The following NELL1 variants were observed in gnomAD, a reference collection of about 807,000 sequenced individuals.
The protein encoded by NELL1 is neural EGFL like 1.
NELL1 carries 76 observed loss-of-function variants against 107.4 expected under a neutral mutation model. The observed-to-expected ratio is 0.71, with a 90% confidence interval of 0.59 to 0.86. NELL1 has a LOEUF of 0.86. NELL1 is among the 40% of genes least tolerant of loss of function. The pLI is 0.00. For missense variants in NELL1, 1,024 were observed against 1,005.5 expected, an observed-to-expected ratio of 1.02 and a Z score of -0.25; for synonymous variants, 353 against 341.2, an observed-to-expected ratio of 1.03 and a Z score of -0.38.
intron 3 of NELL1, among the ~76,000 whole-genome samples, chr11:20,845,541 G>T (rs1848688304): frequency 1.3e-5 from 2 of 152,106 alleles, no homozygotes; most frequent in African/African-American, 2.4e-5. Flanking sequence ...CTCATGATGT[G>T]TGAATCCTGG....
chr11:20,760,892 G>C (rs1590269245), intron 2 of NELL1, among the ~76,000 whole-genome samples: 1 of 152,126 alleles, frequency 6.6e-6, no homozygotes, highest in Non-Finnish European at 1.5e-5. Context: ...GGCCCCTTTG[G>C]AAAATCGGGT....
At chr11:20,682,528 T>C (rs974617487) in intron 2 of NELL1, among the ~76,000 whole-genome samples, 2 of 152,048 alleles carry the variant, frequency 1.3e-5, no homozygotes, top group African/African-American at 4.8e-5. Context: ...AAACGTAGAT[T>C]CATCAAATTA....
chr11:20,938,005 T>A, intron 10 of NELL1, 146 bp downstream of exon 10: 1 of 703,650 alleles, frequency 1.4e-6, no homozygotes, highest in Non-Finnish European at 2.4e-6. Context: ...GATTACATGA[T>A]GGCGAGGATC....
Position 20,756,521 on chromosome 11 carries a change from T to A in NELL1, c.185-27159T>A, listed in dbSNP as rs1856292994. Among the ~76,000 whole-genome samples the A allele has an allele frequency of 3.5e-5, 5 of 143,620 alleles. No individual in the cohort carries two copies. The South Asian group carries it at 1.1e-3, about 32-fold the overall frequency. 94.2% of individuals were successfully genotyped at this position (143,620 alleles called of 152,430 possible). A position where few individuals can be genotyped will look rare whatever the true frequency, so the allele number is the denominator to read the frequency against. ...CGCCGGGCTAATTTTTTGTAATTTT[T>A]TTTTTTTTTTTTTTTTTTTTTAGTA... On this transcript the variant is annotated intron_variant, in intron 2 of 19. Transcript: ENST00000357134.
intron 15 of NELL1, among the ~76,000 whole-genome samples, chr11:21,470,519 A>G (rs989054383): frequency 4.6e-5 from 7 of 152,110 alleles, no homozygotes; most frequent in Admixed American, 6.6e-5. Flanking sequence ...TAGCTCCAAC[A>G]TTAATCACCT....
chr11:21,288,250 A>G (rs1849172728), intron 14 of NELL1, among the ~76,000 whole-genome samples: 1 of 152,110 alleles, frequency 6.6e-6, no homozygotes, highest in Non-Finnish European at 1.5e-5. Flanking sequence ...AGTCTATGAA[A>G]CTATCTTACA....
intron 13 of NELL1, among the ~76,000 whole-genome samples, chr11:21,215,182 A>C (rs1262725259): frequency 6.6e-6 from 1 of 152,016 alleles, no homozygotes; most frequent in Admixed American, 6.6e-5. Flanking sequence ...TTCTCATGAG[A>C]TCTGATGGTT....
At chr11:21,562,047 T>A (rs1008081255) in intron 17 of NELL1, among the ~76,000 whole-genome samples, 11 of 151,998 alleles carry the variant, frequency 7.2e-5, no homozygotes, top group African/African-American at 2.4e-5. Flanking sequence ...TATCCTCACA[T>A]CCTTTTTGGG....
chr11:20,785,884 A>ATT (rs11433394), intron 3 of NELL1, among the ~76,000 whole-genome samples: 5 of 150,656 alleles, frequency 3.3e-5, no homozygotes, highest in Non-Finnish European at 5.9e-5. Flanking sequence ...TCTCTTTTGG[A>ATT]TTTTTTTTTC....
intron 13 of NELL1, among the ~76,000 whole-genome samples, chr11:21,143,499 G>A (rs549220929): frequency 6.6e-6 from 1 of 152,294 alleles, no homozygotes; most frequent in African/African-American, 2.4e-5. Context: ...CCTTGGTGGA[G>A]TAGCCAAAGG....
intron 17 of NELL1, among the ~76,000 whole-genome samples, chr11:21,569,482 G>A (rs1857050297): frequency 6.6e-6 from 1 of 151,228 alleles, no homozygotes; most frequent in African/African-American, 2.4e-5. Flanking sequence ...TGATGATGAT[G>A]ATGATGATGA....
intron 12 of NELL1, among the ~76,000 whole-genome samples, chr11:21,105,223 T>A (rs1785807998): frequency 6.6e-6 from 1 of 152,082 alleles, no homozygotes; most frequent in Admixed American, 6.6e-5. Flanking sequence ...AGTGGAGGTT[T>A]AATAGGCAAA....
chr11:21,012,833 C>G (rs1366860814), intron 12 of NELL1, among the ~76,000 whole-genome samples: 1 of 152,036 alleles, frequency 6.6e-6, no homozygotes, highest in Admixed American at 6.6e-5. Flanking sequence ...TCTGATCCAT[C>G]AGAATGCAGG....
intron 15 of NELL1, among the ~76,000 whole-genome samples, chr11:21,427,975 T>C (rs559959947): frequency 3.9e-5 from 6 of 152,230 alleles, no homozygotes; most frequent in Non-Finnish European, 8.8e-5. Context: ...GTTTCACTGA[T>C]GAGTCTAACT....
chr11:20,940,896 T>C (rs1020678867), intron 10 of NELL1, among the ~76,000 whole-genome samples: 3 of 152,122 alleles, frequency 2.0e-5, no homozygotes. Context: ...CCAGCACTTT[T>C]GAGAGGCTGA....
intron 3 of NELL1, among the ~76,000 whole-genome samples, chr11:20,828,223 A>T (rs1378019792): frequency 1.3e-5 from 2 of 151,460 alleles, no homozygotes; most frequent in Non-Finnish European, 3.0e-5. Flanking sequence ...TGTCTGGCAC[A>T]TAGGCACTCA....
chr11:21,145,071 G>A (rs1244795311), intron 13 of NELL1, among the ~76,000 whole-genome samples: 5 of 152,056 alleles, frequency 3.3e-5, no homozygotes, highest in Non-Finnish European at 2.9e-5. Flanking sequence ...CATGTAAAGC[G>A]CTTGGAAAAA....
At chr11:21,445,302 G>C (rs969522844) in intron 15 of NELL1, among the ~76,000 whole-genome samples, 3 of 151,024 alleles carry the variant, frequency 2.0e-5, no homozygotes, top group Non-Finnish European at 4.4e-5. Flanking sequence ...TTTGTTTTTT[G>C]TTTTTGTTCT....
chr11:21,296,804 A>T (rs1849385075), intron 14 of NELL1, among the ~76,000 whole-genome samples: 1 of 151,842 alleles, frequency 6.6e-6, no homozygotes, highest in African/African-American at 2.4e-5. Flanking sequence ...GTCAAGATTC[A>T]TGGGAAGAAA....
Sources: gnomAD v4.1 joint callset for allele counts (sites outside exome capture counted in the v4.1 genomes callset) on GRCh38, gnomAD v4.1.1 for gene constraint, MANE v1.5 for transcripts, NCBI Gene and HGNC (gene_info 2026-07-23, HGNC 2026-07-21) for gene names.